The following PKNOX2 variants were observed in gnomAD, a reference collection of about 807,000 sequenced individuals.
PKNOX2 encodes the protein PBX/knotted 1 homeobox 2.
A neutral mutation model predicts 53.1 loss-of-function variants in PKNOX2; 14 were observed. The observed-to-expected ratio is 0.26, with a 90% CI of 0.17 to 0.41. The LOEUF (loss-of-function observed/expected upper bound fraction) is 0.41. Among genes scored for constraint, PKNOX2 ranks in the 10% least tolerant of loss-of-function variants. The pLI, the probability that PKNOX2 is intolerant of heterozygous loss-of-function variation, is 1.00. For synonymous variants in PKNOX2, 257 were observed against 242.8 expected (o/e 1.06, Z -0.54); for missense variants, 496 against 602.8 (o/e 0.82, Z 1.85).
At chr11:125,179,600 A>C (rs1956039731) in intron 1 of PKNOX2, among the ~76,000 whole-genome samples, 1 of 151,984 alleles carries the variant, frequency 6.6e-6, no homozygotes, top group South Asian at 2.1e-4. Context: ...GGCGCGAGTC[A>C]CTGAGCTGTG....
At chr11:125,287,260 C>T (rs1946965521) in intron 2 of PKNOX2, among the ~76,000 whole-genome samples, 1 of 152,156 alleles carries the variant, frequency 6.6e-6, no homozygotes, top group South Asian at 2.1e-4. Flanking sequence ...CCCCAGAGCC[C>T]GGGCTGAACC....
chr11:125,406,985 C>CAG (rs540308560), intron 7 of PKNOX2, among the ~76,000 whole-genome samples: 15 of 133,140 alleles, frequency 1.1e-4, no homozygotes, highest in Non-Finnish European at 1.9e-4. Context: ...CTCATGTTTA[C>CAG]AGATGTAAGG....
intron 10 of PKNOX2, 85 bp from the exon 11 acceptor site, chr11:125,428,927 T>C: frequency 1.3e-5 from 18 of 1,401,628 alleles, no homozygotes; most frequent in Non-Finnish European, 1.8e-5. Context: ...TGGCTCAGGA[T>C]AGTGCCCATG....
chr11:125,374,561 C>T (rs1232688585), intron 5 of PKNOX2, among the ~76,000 whole-genome samples: 1 of 152,214 alleles, frequency 6.6e-6, no homozygotes, highest in South Asian at 2.1e-4. Flanking sequence ...AGGCCTCCCG[C>T]ACCAAGCCCA....
chr11:125,178,605 G>A (rs59950169), intron 1 of PKNOX2, among the ~76,000 whole-genome samples: 2,815 of 31,810 alleles, frequency 0.088, 70 homozygotes, highest in South Asian at 0.11. Flanking sequence ...AAGGAAGGAA[G>A]GAAGGAAAGA....
intron 4 of PKNOX2, among the ~76,000 whole-genome samples, chr11:125,359,545 C>CA (rs1414510715): frequency 6.6e-6 from 1 of 152,182 alleles, no homozygotes; most frequent in Non-Finnish European, 1.5e-5. Context: ...CTGTGCCCCC[C>CA]AACAATGTTC....
At chr11:125,326,694 C>T (rs961608135) in intron 2 of PKNOX2, among the ~76,000 whole-genome samples, 10 of 152,146 alleles carry the variant, frequency 6.6e-5, no homozygotes, top group African/African-American at 9.7e-5. Context: ...ATTTAACAGC[C>T]GATCAAGCAT....
intron 1 of PKNOX2, among the ~76,000 whole-genome samples, chr11:125,202,283 C>T (rs955060835): frequency 6.6e-6 from 1 of 152,188 alleles, no homozygotes; most frequent in East Asian, 1.9e-4. Context: ...ACCCTCCTTG[C>T]CCCTTTGCTT....
chr11:125,403,648 GTTC>G (rs751056963), intron 7 of PKNOX2, among the ~76,000 whole-genome samples: 2 of 152,206 alleles, frequency 1.3e-5, no homozygotes, highest in Admixed American at 6.5e-5. Flanking sequence ...CAGAGCCCAT[GTTC>G]TTCTTGCTAC....
intron 10 of PKNOX2, among the ~76,000 whole-genome samples, chr11:125,418,366 T>G (rs1955999769): frequency 6.6e-6 from 1 of 152,046 alleles, no homozygotes; most frequent in African/African-American, 2.4e-5. Context: ...GACTTTGGGG[T>G]TGCTTTCACT....
chr11:125,427,990 A>G (rs545633471), intron 10 of PKNOX2, among the ~76,000 whole-genome samples: 133 of 152,234 alleles, frequency 8.7e-4, no homozygotes, highest in African/African-American at 3.2e-3. Context: ...TGACCTGTTC[A>G]GTCTTCCCCA....
At chr11:125,423,897 G>T (rs1366782159) in intron 10 of PKNOX2, among the ~76,000 whole-genome samples, 1 of 152,168 alleles carries the variant, frequency 6.6e-6, no homozygotes, top group East Asian at 1.9e-4. Context: ...GGTGAAGAAT[G>T]GGACAGCAGT....
At chr11:125,184,815 G>C (rs1444507345) in intron 1 of PKNOX2, among the ~76,000 whole-genome samples, 2 of 152,164 alleles carry the variant, frequency 1.3e-5, no homozygotes, top group African/African-American at 2.4e-5. Context: ...AGTGGTAATA[G>C]GAATGACAGC....
intron 2 of PKNOX2, among the ~76,000 whole-genome samples, chr11:125,313,994 C>CAAGTGACCCCCAG (rs1948991744): frequency 1.3e-5 from 2 of 152,308 alleles, no homozygotes; most frequent in African/African-American, 4.8e-5. Flanking sequence ...GCCAGGCACA[C>CAAGTGACCCCCAG]AAGTGACCCC....
chr11:125,324,918 G>A (rs1949745901), intron 2 of PKNOX2, among the ~76,000 whole-genome samples: 1 of 152,122 alleles, frequency 6.6e-6, no homozygotes, highest in Non-Finnish European at 1.5e-5. Context: ...GGATGGGAGG[G>A]GAGGAGTGAG....
intron 4 of PKNOX2, among the ~76,000 whole-genome samples, chr11:125,356,734 G>T (rs1951639624): frequency 6.6e-6 from 1 of 152,206 alleles, no homozygotes; most frequent in Admixed American, 6.5e-5. Flanking sequence ...CCCACTCCAG[G>T]TGGGGCCAGG....
chr11:125,404,635 AACAC>A (rs201046684), intron 7 of PKNOX2, among the ~76,000 whole-genome samples: 2 of 151,074 alleles, frequency 1.3e-5, no homozygotes, highest in Non-Finnish European at 3.0e-5. Context: ...CACACACACA[AACAC>A]ACACACACCA....
intron 1 of PKNOX2, among the ~76,000 whole-genome samples, chr11:125,200,365 C>T (rs754451812): frequency 3.3e-5 from 5 of 152,208 alleles, no homozygotes; most frequent in Admixed American, 6.5e-5. Context: ...CCAATCTCAC[C>T]GAATAGCAGC....
At chr11:125,319,573 G>A (rs1270380123) in intron 2 of PKNOX2, among the ~76,000 whole-genome samples, 1 of 152,194 alleles carries the variant, frequency 6.6e-6, no homozygotes, top group East Asian at 1.9e-4. Flanking sequence ...AGCAAAACAA[G>A]CCTGGACTCT....
Sources: gnomAD v4.1 joint callset for allele counts (sites outside exome capture counted in the v4.1 genomes callset) on GRCh38, gnomAD v4.1.1 for gene constraint, MANE v1.5 for transcripts, NCBI Gene and HGNC (gene_info 2026-07-23, HGNC 2026-07-21) for gene names.